GRXCR1: variants seen among roughly 807,000 people sequenced by gnomAD.
GRXCR1 encodes glutaredoxin domain-containing cysteine-rich protein 1.
In GRXCR1, 27 loss-of-function variants were observed where a neutral mutation model predicts 27.3. The observed-to-expected ratio is 0.99, with a 90% CI of 0.73 to 1.37. The LOEUF is 1.37. Among genes scored for constraint, GRXCR1 ranks in the 40% most tolerant of loss-of-function variants. GRXCR1 has a pLI of 0.00. For missense variants in GRXCR1, 379 were observed against 354.4 expected (o/e 1.07, Z -0.56); for synonymous variants, 122 against 131.1 (o/e 0.93, Z 0.47).
intron 2 of GRXCR1, among the ~76,000 whole-genome samples, chr4:43,001,057 G>T (rs1004691006): frequency 1.3e-5 from 2 of 151,478 alleles, no homozygotes; most frequent in African/African-American, 4.9e-5. Context: ...CTCCTGAGTA[G>T]CTGGGATTAC....
At chr4:42,947,671 C>T (rs911347976) in intron 1 of GRXCR1, among the ~76,000 whole-genome samples, 39 of 152,156 alleles carry the variant, frequency 2.6e-4, no homozygotes, top group African/African-American at 9.4e-4. Context: ...CACTGAGGAG[C>T]TGTGGTGACA....
intron 1 of GRXCR1, among the ~76,000 whole-genome samples, chr4:42,935,371 T>G (rs1434754081): frequency 2.6e-5 from 4 of 151,856 alleles, no homozygotes; most frequent in African/African-American, 9.7e-5. Context: ...TAATTGGATG[T>G]TGTGCACTAA....
chr4:42,973,312 C>T (rs2118030), intron 2 of GRXCR1, among the ~76,000 whole-genome samples: 53,704 of 151,906 alleles, frequency 0.35, 9,677 homozygotes, highest in African/African-American at 0.4. Context: ...ACTTCATTTT[C>T]CTATTAATAT....
chr4:42,977,036 T>A (rs1261208118), intron 2 of GRXCR1, among the ~76,000 whole-genome samples: 3 of 152,054 alleles, frequency 2.0e-5, no homozygotes, highest in Non-Finnish European at 2.9e-5. Flanking sequence ...TCAACTTTTT[T>A]AGATTCCACA....
At chr4:42,947,675 G>T (rs185385411) in intron 1 of GRXCR1, among the ~76,000 whole-genome samples, 247 of 152,192 alleles carry the variant, frequency 1.6e-3, no homozygotes, top group African/African-American at 5.6e-3. Flanking sequence ...GAGGAGCTGT[G>T]GTGACAAACC....
intron 2 of GRXCR1, among the ~76,000 whole-genome samples, chr4:42,974,511 C>A (rs930628687): frequency 2.0e-5 from 3 of 152,136 alleles, no homozygotes; most frequent in African/African-American, 7.2e-5. Flanking sequence ...GCAAGCTGAT[C>A]TAATCACTAA....
intron 2 of GRXCR1, among the ~76,000 whole-genome samples, chr4:42,992,706 C>T (rs538903334): frequency 4.6e-5 from 7 of 151,972 alleles, no homozygotes; most frequent in Non-Finnish European, 8.8e-5. Context: ...AGAAAATGAA[C>T]GTTTCATTGT....
chr4:42,986,994 A>G (rs1298923667), intron 2 of GRXCR1, among the ~76,000 whole-genome samples: 1 of 117,086 alleles, frequency 8.5e-6, no homozygotes, highest in Non-Finnish European at 1.7e-5. Flanking sequence ...AATTTAAGAG[A>G]TATGTGTATG....
chr4:43,003,989 G>C (rs980356063), intron 2 of GRXCR1, among the ~76,000 whole-genome samples: 3 of 152,254 alleles, frequency 2.0e-5, no homozygotes, highest in Admixed American at 1.3e-4. Context: ...GGGCATGCCA[G>C]AGACTTTACT....
At chr4:42,993,159 T>C (rs779593070) in intron 2 of GRXCR1, among the ~76,000 whole-genome samples, 7 of 152,244 alleles carry the variant, frequency 4.6e-5, no homozygotes, top group African/African-American at 1.7e-4. Flanking sequence ...TATTTTATCT[T>C]TGACAAGTAA....
chr4:43,030,037 C>A (rs1308013041), intron 3 of GRXCR1, among the ~76,000 whole-genome samples: 1 of 152,100 alleles, frequency 6.6e-6, no homozygotes, highest in Non-Finnish European at 1.5e-5. Flanking sequence ...TACAAAAAGC[C>A]AGCTTCTGAA....
At chr4:42,956,377 A>G (rs1439771777) in intron 1 of GRXCR1, among the ~76,000 whole-genome samples, 1 of 151,994 alleles carries the variant, frequency 6.6e-6, no homozygotes, top group Non-Finnish European at 1.5e-5. Flanking sequence ...ATTAGAGGCT[A>G]TTTTTAGACT....
intron 1 of GRXCR1, among the ~76,000 whole-genome samples, chr4:42,951,477 GA>G (rs762318725): frequency 2.9e-4 from 44 of 152,280 alleles, no homozygotes; most frequent in Non-Finnish European, 5.7e-4. Flanking sequence ...TGTTCCTAAA[GA>G]AAAGTTTGAC....
At chr4:43,018,299 A>C (rs9991369) in intron 2 of GRXCR1, among the ~76,000 whole-genome samples, 1,923 of 152,246 alleles carry the variant, frequency 0.013, 46 homozygotes, top group African/African-American at 0.044. Context: ...GGGTGAGGGA[A>C]GTAGGTATTC....
chr4:42,925,160 C>G (rs1338001413), intron 1 of GRXCR1, among the ~76,000 whole-genome samples: 2 of 151,756 alleles, frequency 1.3e-5, no homozygotes, highest in African/African-American at 2.4e-5. Context: ...CAAGTAGGTA[C>G]AGCTCCTGTG....
chr4:42,991,787 GT>G (rs1283818975), intron 2 of GRXCR1, among the ~76,000 whole-genome samples: 1 of 151,944 alleles, frequency 6.6e-6, no homozygotes, highest in African/African-American at 2.4e-5. Context: ...TAAAAAGTAA[GT>G]TTTTTTCACT....
At chr4:42,927,306 A>C (rs913262452) in intron 1 of GRXCR1, among the ~76,000 whole-genome samples, 9 of 152,012 alleles carry the variant, frequency 5.9e-5, no homozygotes, top group African/African-American at 2.2e-4. Flanking sequence ...CAAATATGGA[A>C]GACAAATGCT....
At chr4:43,007,052 T>C (rs1462946401) in intron 2 of GRXCR1, among the ~76,000 whole-genome samples, 2 of 152,156 alleles carry the variant, frequency 1.3e-5, no homozygotes, top group African/African-American at 4.8e-5. Flanking sequence ...GGTAAATAAA[T>C]ATGCACTCCA....
intron 1 of GRXCR1, among the ~76,000 whole-genome samples, chr4:42,922,095 G>A (rs1747025406): frequency 6.6e-6 from 1 of 152,100 alleles, no homozygotes; most frequent in Non-Finnish European, 1.5e-5. Context: ...AGAAGTTATA[G>A]ATCAAGGTAA....
Sources: allele counts gnomAD v4.1 joint callset (sites outside exome capture counted in the v4.1 genomes callset), GRCh38; gene constraint gnomAD v4.1.1; transcripts MANE v1.5; gene names NCBI Gene and HGNC (gene_info 2026-07-23, HGNC 2026-07-21).